Variants in RBMS3 observed in about 807,000 individuals in gnomAD.
The protein encoded by RBMS3 is RNA binding motif single stranded interacting protein 3.
Under a neutral mutation model 66.8 loss-of-function variants are expected in RBMS3, and 27 were observed. The observed-to-expected ratio is 0.40, with a 90% CI of 0.30 to 0.56. RBMS3 has a LOEUF of 0.56. RBMS3 is among the 20% of genes least tolerant of loss of function. RBMS3 has a pLI of 0.40. For missense variants in RBMS3, 513 were observed against 549.5 expected (o/e 0.93, Z 0.66); for synonymous variants, 188 against 183.0 (o/e 1.03, Z -0.22).
At chr3:29,899,833 G>T in intron 10 of RBMS3, 78 bp downstream of exon 10, 2 of 1,411,714 alleles carry the variant, frequency 1.4e-6, no homozygotes, top group Non-Finnish European at 2.0e-6. Context: ...AAGCTTTGGG[G>T]TAAAGCTTTT....
At chr3:29,552,564 C>A (rs572175163) in intron 3 of RBMS3, among the ~76,000 whole-genome samples, 13 of 152,248 alleles carry the variant, frequency 8.5e-5, no homozygotes, top group Non-Finnish European at 1.6e-4. Flanking sequence ...TAAAATGCAT[C>A]AACCGTCTTC....
At chr3:29,641,605 G>T (rs977352374) in intron 4 of RBMS3, among the ~76,000 whole-genome samples, 2 of 152,034 alleles carry the variant, frequency 1.3e-5, no homozygotes, top group African/African-American at 4.8e-5. Flanking sequence ...AAATGGCAAT[G>T]ACTTTTAATT....
chr3:29,538,427 C>G (rs1227767939), intron 3 of RBMS3, among the ~76,000 whole-genome samples: 1 of 152,114 alleles, frequency 6.6e-6, no homozygotes, highest in African/African-American at 2.4e-5. Flanking sequence ...GCGAAGTTTC[C>G]TGGCAACCCA....
intron 10 of RBMS3, among the ~76,000 whole-genome samples, chr3:29,906,208 G>A (rs1308946848): frequency 2.0e-5 from 3 of 151,964 alleles, no homozygotes; most frequent in Non-Finnish European, 4.4e-5. Flanking sequence ...ATATGTTTTA[G>A]TTTTTTGCTG....
At chr3:29,336,533 T>C (rs1168948108) in intron 1 of RBMS3, among the ~76,000 whole-genome samples, 1 of 152,146 alleles carries the variant, frequency 6.6e-6, no homozygotes, top group African/African-American at 2.4e-5. Flanking sequence ...GGCAATGACT[T>C]TATTGCGGAA....
chr3:29,796,712 C>CTTTCTTTTT (rs2057204295), intron 6 of RBMS3, among the ~76,000 whole-genome samples: 2 of 115,288 alleles, frequency 1.7e-5, no homozygotes, highest in Admixed American at 9.3e-5. Flanking sequence ...TGAAAGGAAT[C>CTTTCTTTTT]TTTTTTTTTT....
At chr3:29,571,220 T>G (rs917507809) in intron 3 of RBMS3, among the ~76,000 whole-genome samples, 14 of 152,300 alleles carry the variant, frequency 9.2e-5, no homozygotes, top group African/African-American at 3.4e-4. Context: ...TATTTACTGA[T>G]TATCAATCTG....
chr3:29,842,937 C>T (rs2058696250), intron 6 of RBMS3, among the ~76,000 whole-genome samples: 2 of 152,312 alleles, frequency 1.3e-5, no homozygotes, highest in South Asian at 4.1e-4. Context: ...TTTCAGAATT[C>T]TGACCTCCAC....
intron 1 of RBMS3, among the ~76,000 whole-genome samples, chr3:29,283,201 G>T (rs1018722419): frequency 3.0e-4 from 45 of 152,038 alleles, no homozygotes; most frequent in African/African-American, 9.9e-4. Flanking sequence ...AAACTCAAAG[G>T]TTGCATGAAA....
At chr3:29,612,332 A>T (rs972564423) in intron 4 of RBMS3, among the ~76,000 whole-genome samples, 2 of 152,064 alleles carry the variant, frequency 1.3e-5, no homozygotes, top group African/African-American at 4.8e-5. Flanking sequence ...ATGCTACTAT[A>T]TATAAAGGTT....
chr3:29,998,259 T>C (rs1415284379), intron 14 of RBMS3, among the ~76,000 whole-genome samples: 1 of 152,008 alleles, frequency 6.6e-6, no homozygotes, highest in African/African-American at 2.4e-5. Context: ...CTCAATGAAA[T>C]AAAAGAGGAT....
chr3:29,651,854 T>C (rs1197669602), intron 4 of RBMS3, among the ~76,000 whole-genome samples: 1 of 152,194 alleles, frequency 6.6e-6, no homozygotes, highest in Non-Finnish European at 1.5e-5. Flanking sequence ...TCATGCATCA[T>C]ATAATTTTAA....
intron 4 of RBMS3, among the ~76,000 whole-genome samples, chr3:29,705,881 G>A (rs1025311254): frequency 9.2e-5 from 14 of 152,204 alleles, no homozygotes; most frequent in African/African-American, 3.1e-4. Flanking sequence ...GTAACAAACT[G>A]TGGTAATATC....
chr3:29,441,604 T>C (rs944197161), intron 2 of RBMS3, among the ~76,000 whole-genome samples: 20 of 152,294 alleles, frequency 1.3e-4, no homozygotes, highest in African/African-American at 4.8e-4. Flanking sequence ...GAAACATTCA[T>C]ATAATGAGAA....
At chr3:29,981,902 C>G (rs1698020668) in intron 12 of RBMS3, among the ~76,000 whole-genome samples, 1 of 152,086 alleles carries the variant, frequency 6.6e-6, no homozygotes, top group African/African-American at 2.4e-5. Flanking sequence ...GTGTGTGTCT[C>G]TGCCAGGTTT....
intron 4 of RBMS3, among the ~76,000 whole-genome samples, chr3:29,686,697 A>G (rs2051748110): frequency 6.6e-6 from 1 of 152,208 alleles, no homozygotes; most frequent in Non-Finnish European, 1.5e-5. Context: ...TCAAAAACAA[A>G]TAATTACAAA....
chr3:29,818,137 A>G (rs963724684), intron 6 of RBMS3, among the ~76,000 whole-genome samples: 1 of 152,176 alleles, frequency 6.6e-6, no homozygotes, highest in Non-Finnish European at 1.5e-5. Context: ...TGTGTTGTCT[A>G]AATGACACAT....
At chr3:29,850,201 CAGAG>C (rs1036639936) in intron 6 of RBMS3, among the ~76,000 whole-genome samples, 1 of 152,128 alleles carries the variant, frequency 6.6e-6, no homozygotes, top group African/African-American at 2.4e-5. Context: ...GTGAAAAACA[CAGAG>C]AGAAAAGAGC....
intron 1 of RBMS3, among the ~76,000 whole-genome samples, chr3:29,283,175 A>G (rs1462923433): frequency 2.0e-5 from 3 of 152,134 alleles, no homozygotes; most frequent in Admixed American, 2.0e-4. Context: ...TCATGCCTCA[A>G]CAAAACAAAA....
Sources: allele counts gnomAD v4.1 joint callset (sites outside exome capture counted in the v4.1 genomes callset), GRCh38; gene constraint gnomAD v4.1.1; transcripts MANE v1.5; gene names NCBI Gene and HGNC (gene_info 2026-07-23, HGNC 2026-07-21).